The following GUCY1B1 variants were observed in gnomAD, a reference collection of about 807,000 sequenced individuals.
GUCY1B1 encodes the protein guanylate cyclase 1 soluble subunit beta 1, also known as guanylate cyclase soluble subunit beta-1.
GUCY1B1 carries 43 observed loss-of-function variants against 71.0 expected under a neutral mutation model. The observed-to-expected ratio is 0.61, with a 90% CI of 0.47 to 0.78. GUCY1B1 has a LOEUF of 0.78. Ranked by LOEUF, GUCY1B1 falls within the 30% of genes least tolerant of loss-of-function variation. The probability of loss-of-function intolerance (pLI) is 0.00; values close to 1 mark genes in which losing one functional copy is unlikely to be tolerated. For missense variants in GUCY1B1, 535 were observed against 754.1 expected (o/e 0.71, Z 3.40); for synonymous variants, 266 against 259.7 (o/e 1.02, Z -0.23).
chr4:155,800,108 T>G, intron 9 of GUCY1B1, 34 bp downstream of exon 9: 2 of 1,413,208 alleles, frequency 1.4e-6, no homozygotes, highest in Non-Finnish European at 2.0e-6. Context: ...CTACTGTTAT[T>G]CATAACATAA....
chr4:155,794,539 A>G (rs2111134136), intron 6 of GUCY1B1, among the ~76,000 whole-genome samples: 1 of 152,352 alleles, frequency 6.6e-6, no homozygotes, highest in Non-Finnish European at 1.5e-5. Flanking sequence ...TTCAGTAGAA[A>G]AAGCATCAAA....
chr4:155,759,170 C>A, intron 1 of GUCY1B1, 27 bp downstream of exon 1: 5 of 1,566,508 alleles, frequency 3.2e-6, no homozygotes, highest in Non-Finnish European at 4.3e-6. Flanking sequence ...GGGTGCGGCC[C>A]GAACCTCACC....
intron 2 of GUCY1B1, among the ~76,000 whole-genome samples, chr4:155,762,628 A>G (rs1383827964): frequency 6.6e-6 from 1 of 152,194 alleles, no homozygotes; most frequent in Non-Finnish European, 1.5e-5. Flanking sequence ...ACCATTTCAC[A>G]AAAGCTTTGA....
chr4:155,800,035 C>T lies in GUCY1B1; in HGVS notation c.1136C>T (p.Thr379Met), dbSNP rs1468835196. Reference sequence around the variant, plus strand: ...ATCCTCACTGACAGGCTACAGCTCACGTTAAGAGCCCTGGAAGATGAAAAG... The same window carrying T: ...ATCCTCACTGACAGGCTACAGCTCATGTTAAGAGCCCTGGAAGATGAAAAG... ...LEILTDRLQL[T>M]LRALEDEKKK... The change falls in exon 9 of 14, where the codon ACG (threonine) becomes ATG (methionine). Residue 379 changes from threonine (T) to methionine (M), a missense_variant. Transcript: ENST00000264424. 4.3e-6 allele frequency: 7 copies of T among 1,613,226 alleles called. No individual in the cohort carries two copies. The highest frequency in any genetic ancestry group is 2.2e-5 in the East Asian group (1 of 44,846).
At chr4:155,779,463 G>C (rs1738272306) in intron 4 of GUCY1B1, among the ~76,000 whole-genome samples, 2 of 151,838 alleles carry the variant, frequency 1.3e-5, no homozygotes, top group Admixed American at 1.3e-4. Flanking sequence ...GGATATATTT[G>C]GTTATATAAA....
intron 2 of GUCY1B1, among the ~76,000 whole-genome samples, chr4:155,767,629 T>C (rs1040730550): frequency 5.3e-5 from 8 of 152,078 alleles, no homozygotes; most frequent in Non-Finnish European, 1.2e-4. Flanking sequence ...CACATTGACA[T>C]GAAAGGACTG....
chr4:155,804,204 A>G (rs1197075967), intron 11 of GUCY1B1, among the ~76,000 whole-genome samples: 4 of 152,212 alleles, frequency 2.6e-5, no homozygotes, highest in Non-Finnish European at 4.4e-5. Context: ...ACGATGTTAT[A>G]TGATGACTCT....
chr4:155,759,996 G>A, intron 2 of GUCY1B1, 136 bp downstream of exon 2: 1 of 618,660 alleles, frequency 1.6e-6, no homozygotes, highest in Non-Finnish European at 2.8e-6. Context: ...CCTCGCTCCC[G>A]GCTCGCTGCA....
Position 155,794,055 on chromosome 4 carries a change from G to T in GUCY1B1, c.695G>T (p.Cys232Phe). The change falls in exon 6 of 14, where the codon TGT becomes TTT. Residue 232 changes from cysteine to phenylalanine, a missense_variant. Coordinates refer to ENST00000264424, the MANE Select transcript of GUCY1B1 (RefSeq NM_000857.5). ...IFDRDLVVTQ[C>F]GNAIYRVLPQ... ...GACCGGGACCTAGTGGTCACTCAGT[G>T]TGGCAATGCTATATACAGAGTTCTC... 6.2e-7 allele frequency: 1 copy of T among 1,609,314 alleles called. No homozygotes were observed. The highest frequency in any genetic ancestry group is 8.5e-7 in the Non-Finnish European group (1 of 1,175,680).
At chr4:155,794,150 G>A (rs1739380453) in intron 6 of GUCY1B1, 64 bp downstream of exon 6, 2 of 841,486 alleles carry the variant, frequency 2.4e-6, no homozygotes, top group Admixed American at 4.3e-5. Flanking sequence ...TATTGTTACA[G>A]GCAGCCATCC....
chr4:155,788,558 T>A (rs986113573), intron 4 of GUCY1B1, among the ~76,000 whole-genome samples: 3 of 152,182 alleles, frequency 2.0e-5, no homozygotes, highest in African/African-American at 7.2e-5. Context: ...CCTCATCACA[T>A]CTGCAAAATC....
intron 1 of GUCY1B1, chr4:155,759,510 C>A: frequency 1.9e-6 from 1 of 516,114 alleles, no homozygotes. Flanking sequence ...CGCGCTGCCC[C>A]CGATGCCCAG....
chr4:155,803,663 T>A lies in GUCY1B1; in HGVS notation c.1453T>A (p.Leu485Ile). The A allele has an allele frequency of 6.2e-7, 1 of 1,606,096 alleles. No homozygotes were observed. The highest frequency in any genetic ancestry group is 8.5e-7 in the Non-Finnish European group (1 of 1,175,942). The change falls in exon 11 of 14, where the codon TTA becomes ATA. Residue 485 changes from leucine to isoleucine, a missense_variant. Transcript: ENST00000264424. Reference protein sequence around the residue: ...VGDKYMTVSGLPEPCIHHARS... With the variant: ...VGDKYMTVSGIPEPCIHHARS... The stretch of plus-strand genomic sequence containing the variant: ...TGACAAGTATATGACAGTGAGTGGT[T>A]TACCAGAGCCATGCATTCACCATGC...
intron 3 of GUCY1B1, among the ~76,000 whole-genome samples, chr4:155,776,380 A>T (rs188997350): frequency 1.3e-5 from 2 of 152,200 alleles, no homozygotes; most frequent in African/African-American, 4.8e-5. Context: ...AAATTATTGC[A>T]TCCATATGTT....
In GUCY1B1 at chr4:155,802,434, T is replaced by G; in HGVS notation, c.1268T>G (p.Leu423Arg). Residue 423 changes from leucine to arginine, a missense_variant, in exon 10 of 14, where the codon CTC becomes CGC. Leu to Arg is a moderately radical substitution (Grantham distance 102, BLOSUM62 -2). Coordinates refer to ENST00000264424, the MANE Select transcript of GUCY1B1 (RefSeq NM_000857.5). The surrounding 1 kb of genome is among the most constrained non-coding windows in gnomAD (Gnocchi z 4.3). ...PAKRYDNVTI[L>R]FSGIVGFNAF... ...AAAAGATATGACAATGTGACCATCC[T>G]CTTTAGTGGCATTGTGGGCTTCAAT... The G allele has an allele frequency of 6.2e-7, 1 of 1,613,762 alleles. No individual in the cohort carries two copies. The highest frequency in any genetic ancestry group is 8.5e-7 in the Non-Finnish European group (1 of 1,179,764).
chr4:155,774,934 T>A (rs1463536406), intron 2 of GUCY1B1, 34 bp from the exon 3 acceptor site: 1 of 1,100,068 alleles, frequency 9.1e-7, no homozygotes, highest in Non-Finnish European at 1.4e-6. Flanking sequence ...AACTTCAACT[T>A]TTCTCTTCTG....
At chr4:155,783,030 A>G (rs983043111) in intron 4 of GUCY1B1, among the ~76,000 whole-genome samples, 5 of 152,248 alleles carry the variant, frequency 3.3e-5, no homozygotes, top group Non-Finnish European at 7.3e-5. Flanking sequence ...ATTTAGCCAG[A>G]CAACCCACAG....
At chr4:155,783,931 G>C (rs1206414065) in intron 4 of GUCY1B1, among the ~76,000 whole-genome samples, 1 of 152,010 alleles carries the variant, frequency 6.6e-6, no homozygotes, top group Non-Finnish European at 1.5e-5. Context: ...ACTTATGAAG[G>C]AAGATAAGAA....
At chr4:155,775,121 A>G (rs1737955526) in intron 3 of GUCY1B1, 53 bp downstream of exon 3, 1 of 900,076 alleles carries the variant, frequency 1.1e-6, no homozygotes, top group Non-Finnish European at 1.9e-6. Context: ...AGAAGCTCAC[A>G]GAATGCATGG....
Sources: allele counts gnomAD v4.1 joint callset (sites outside exome capture counted in the v4.1 genomes callset), GRCh38; gene constraint gnomAD v4.1.1; non-coding constraint Gnocchi (gnomAD v3.1); transcripts MANE v1.5; gene names NCBI Gene and HGNC (gene_info 2026-07-23, HGNC 2026-07-21).